NALF1: variants seen among roughly 807,000 people sequenced by gnomAD.
NALF1 encodes the protein family with sequence similarity 155 member A.
In NALF1, 3 loss-of-function variants were observed where a neutral mutation model predicts 48.4. That is an observed-to-expected ratio of 0.06 (90% confidence interval 0.03 to 0.16). NALF1 has a LOEUF of 0.16. Among genes scored for constraint, NALF1 ranks in the 10% least tolerant of loss-of-function variants. The pLI is 1.00. For missense variants in NALF1, 526 were observed against 571.5 expected, an observed-to-expected ratio of 0.92 and a Z score of 0.81; for synonymous variants, 262 against 245.7, an observed-to-expected ratio of 1.07 and a Z score of -0.62.
intron 1 of NALF1, among the ~76,000 whole-genome samples, chr13:107,440,494 G>T (rs920775695): frequency 7.9e-5 from 12 of 152,182 alleles, no homozygotes; most frequent in African/African-American, 2.9e-4. Context: ...GGTCAGAGAA[G>T]CAGCAGAAGA....
chr13:107,208,192 C>A (rs533880553), intron 2 of NALF1, among the ~76,000 whole-genome samples: 1 of 152,290 alleles, frequency 6.6e-6, no homozygotes, highest in South Asian at 2.1e-4. Context: ...ATTAACCCAA[C>A]TGAAAGTGAC....
At chr13:107,806,333 TA>T (rs894252785) in intron 1 of NALF1, among the ~76,000 whole-genome samples, 6 of 152,078 alleles carry the variant, frequency 3.9e-5, no homozygotes, top group Non-Finnish European at 8.8e-5. Context: ...ATGAAAACAT[TA>T]AAAGACGGAA....
chr13:107,562,540 C>T (rs2138394498), intron 1 of NALF1, among the ~76,000 whole-genome samples: 1 of 152,204 alleles, frequency 6.6e-6, no homozygotes, highest in South Asian at 2.1e-4. Context: ...ACAAACGTTT[C>T]CATTTTATTT....
At chr13:107,196,092 C>G (rs1238368786) in intron 2 of NALF1, among the ~76,000 whole-genome samples, 2 of 152,082 alleles carry the variant, frequency 1.3e-5, no homozygotes. Context: ...TAAGTGGGAG[C>G]TAAATGATGA....
At chr13:107,859,716 AACATGGTGAAAC>A (rs1341819506) in intron 1 of NALF1, among the ~76,000 whole-genome samples, 17 of 152,100 alleles carry the variant, frequency 1.1e-4, no homozygotes, top group African/African-American at 3.6e-4. Flanking sequence ...CAGCCTGGCC[AACATGGTGAAAC>A]ACCATCTCTA....
intron 1 of NALF1, among the ~76,000 whole-genome samples, chr13:107,554,006 T>G (rs1484200307): frequency 1.3e-5 from 2 of 152,252 alleles, no homozygotes; most frequent in East Asian, 3.8e-4. Flanking sequence ...ACTTCATGGC[T>G]ACATGCCATG....
chr13:107,751,501 G>A (rs972420020), intron 1 of NALF1, among the ~76,000 whole-genome samples: 5 of 152,156 alleles, frequency 3.3e-5, no homozygotes, highest in African/African-American at 1.2e-4. Context: ...AAAAAGTTAG[G>A]TCAACTCACT....
At chr13:107,263,293 T>C (rs925048357) in intron 1 of NALF1, among the ~76,000 whole-genome samples, 3 of 118,760 alleles carry the variant, frequency 2.5e-5, no homozygotes, top group African/African-American at 6.2e-5. Context: ...CACACACACA[T>C]CTCAGTGGAC....
chr13:107,500,252 C>A (rs139040724), intron 1 of NALF1, among the ~76,000 whole-genome samples: 1 of 152,110 alleles, frequency 6.6e-6, no homozygotes, highest in Non-Finnish European at 1.5e-5. Context: ...AGAATACTTG[C>A]GACTGGGTAA....
chr13:107,782,829 C>CT (rs774423866), intron 1 of NALF1, among the ~76,000 whole-genome samples: 10 of 151,866 alleles, frequency 6.6e-5, no homozygotes, highest in Admixed American at 3.3e-4. Flanking sequence ...ACCGCCCCGT[C>CT]TGAGAAGTGA....
At chr13:107,326,126 T>C (rs917354117) in intron 1 of NALF1, among the ~76,000 whole-genome samples, 2 of 151,594 alleles carry the variant, frequency 1.3e-5, no homozygotes, top group African/African-American at 4.9e-5. Context: ...GTGAAAACAA[T>C]TTTGAAGGCA....
chr13:107,216,557 G>A (rs1879877154), intron 1 of NALF1, among the ~76,000 whole-genome samples: 1 of 152,208 alleles, frequency 6.6e-6, no homozygotes, highest in Non-Finnish European at 1.5e-5. Context: ...CTAGGGCTTT[G>A]TCTTGGCTCC....
intron 1 of NALF1, among the ~76,000 whole-genome samples, chr13:107,576,815 T>C (rs1025787634): frequency 6.6e-6 from 1 of 152,158 alleles, no homozygotes; most frequent in Non-Finnish European, 1.5e-5. Context: ...AACAAAAGTG[T>C]AGAAAATAAA....
intron 2 of NALF1, among the ~76,000 whole-genome samples, chr13:107,200,483 G>A (rs1879489263): frequency 1.3e-5 from 2 of 152,160 alleles, no homozygotes; most frequent in South Asian, 4.1e-4. Context: ...GGGTTACATG[G>A]CAAGCATCTC....
rs969720520 is a variant in NALF1 at position 107,168,712 on chromosome 13, C to T, written c.*1785G>A. 3 of 152,336 alleles carry T rather than the reference C, an allele frequency of 2.0e-5. No individual in the cohort carries two copies. Among genetic ancestry groups the T allele is most frequent in the Admixed American group, 6.6e-5 (1 of 15,260 alleles). 9.4% of individuals were successfully genotyped at this position (152,336 alleles called of 1,614,324 possible). A position where few individuals can be genotyped will look rare whatever the true frequency, so the allele number is the denominator to read the frequency against. ...TTTGAATATTCTTAACAGACTGGAA[C>T]GAAACATTTTTTTTCAAAACAAAAT... On this transcript the variant is annotated 3_prime_UTR_variant, in exon 3 of 3. Transcript: ENST00000375915.
At chr13:107,380,541 C>T (rs1191799758) in intron 1 of NALF1, among the ~76,000 whole-genome samples, 1 of 152,084 alleles carries the variant, frequency 6.6e-6, no homozygotes, top group Non-Finnish European at 1.5e-5. Flanking sequence ...TCTCCCCGGC[C>T]CCCACACTCT....
intron 1 of NALF1, among the ~76,000 whole-genome samples, chr13:107,528,550 AG>A (rs1180178719): frequency 6.6e-6 from 1 of 152,128 alleles, no homozygotes; most frequent in Non-Finnish European, 1.5e-5. Flanking sequence ...ACAAGCCTCG[AG>A]GGGAATTGCC....
chr13:107,780,694 T>C (rs1208624688), intron 1 of NALF1, among the ~76,000 whole-genome samples: 1 of 151,852 alleles, frequency 6.6e-6, no homozygotes, highest in African/African-American at 2.4e-5. Context: ...CACTTTGGGA[T>C]GCCGAGGCAG....
intron 1 of NALF1, among the ~76,000 whole-genome samples, chr13:107,351,641 G>T (rs1011691836): frequency 2.6e-5 from 4 of 152,182 alleles, no homozygotes; most frequent in Non-Finnish European, 5.9e-5. Flanking sequence ...GCTAATAAAA[G>T]CTTCCCTCTA....
Sources: gnomAD v4.1 joint callset for allele counts (sites outside exome capture counted in the v4.1 genomes callset) on GRCh38, gnomAD v4.1.1 for gene constraint, MANE v1.5 for transcripts, NCBI Gene and HGNC (gene_info 2026-07-23, HGNC 2026-07-21) for gene names.